The following PRR16 variants were observed in gnomAD, a reference collection of about 807,000 sequenced individuals.
PRR16 encodes the protein proline rich 16.
A neutral mutation model predicts 18.2 loss-of-function variants in PRR16; 6 were observed. The ratio of observed to expected loss-of-function variants is 0.33; its 90% confidence interval spans 0.18 to 0.65. PRR16 has a LOEUF of 0.65. Among genes scored for constraint, PRR16 ranks in the 30% least tolerant of loss-of-function variants. The probability of loss-of-function intolerance (pLI) is 0.74; values close to 1 mark genes in which losing one functional copy is unlikely to be tolerated. For missense variants in PRR16, 412 were observed against 376.6 expected (o/e 1.09, Z -0.78); for synonymous variants, 151 against 147.8 (o/e 1.02, Z -0.16).
chr5:120,487,089 T>C (rs1246020672), intron 1 of PRR16, among the ~76,000 whole-genome samples: 9 of 152,242 alleles, frequency 5.9e-5, no homozygotes, highest in South Asian at 2.1e-4. Context: ...GTGATGCCTC[T>C]AGCTTTGTTC....
chr5:120,785,569 G>GTTTTTTTTTT, the PRR16 span, among the ~76,000 whole-genome samples: 9 of 99,650 alleles, frequency 9.0e-5, no homozygotes, highest in Admixed American at 3.0e-4. Flanking sequence ...GTGTTTTGTT[G>GTTTTTTTTTT]TTGTTGTTTT....
the PRR16 span, among the ~76,000 whole-genome samples, chr5:120,791,856 ACT>A: frequency 1.3e-5 from 2 of 152,144 alleles, no homozygotes; most frequent in Admixed American, 1.3e-4. Flanking sequence ...ATTGGTTTAC[ACT>A]CTGCAATATC....
chr5:120,699,508 G>A, the PRR16 span, among the ~76,000 whole-genome samples: 12 of 152,124 alleles, frequency 7.9e-5, no homozygotes, highest in Admixed American at 3.3e-4. Flanking sequence ...AATTGTGGGA[G>A]AGTCAAGAAA....
intron 1 of PRR16, among the ~76,000 whole-genome samples, chr5:120,578,926 T>G (rs1486351507): frequency 6.6e-6 from 1 of 152,174 alleles, no homozygotes; most frequent in Non-Finnish European, 1.5e-5. Context: ...TTTCCTGACT[T>G]TTTAATAATT....
At chr5:120,650,897 C>A (rs1259234236) in intron 1 of PRR16, among the ~76,000 whole-genome samples, 1 of 152,036 alleles carries the variant, frequency 6.6e-6, no homozygotes, top group Non-Finnish European at 1.5e-5. Context: ...CCTGAGGAAT[C>A]GCCACACTGA....
the PRR16 span, among the ~76,000 whole-genome samples, chr5:120,757,287 T>G: frequency 0.044 from 6,757 of 152,146 alleles, 514 homozygotes; most frequent in African/African-American, 0.15. Flanking sequence ...ATAGAATTTC[T>G]TTGGCTATGC....
chr5:120,575,400 C>T (rs1001374155), intron 1 of PRR16, among the ~76,000 whole-genome samples: 2 of 148,424 alleles, frequency 1.3e-5, no homozygotes, highest in Admixed American at 1.3e-4. Context: ...TGAAAAAAAT[C>T]CTCAACAAAA....
chr5:120,772,005 T>C, the PRR16 span, among the ~76,000 whole-genome samples: 2 of 152,184 alleles, frequency 1.3e-5, no homozygotes. Flanking sequence ...ATTGATATTA[T>C]ATCCTTTCTT....
the PRR16 span, among the ~76,000 whole-genome samples, chr5:120,766,426 ATTAC>A: frequency 6.6e-6 from 1 of 151,834 alleles, no homozygotes; most frequent in Non-Finnish European, 1.5e-5. Context: ...CAACTATTTT[ATTAC>A]TTTTCTATTA....
At chr5:120,653,985 A>G (rs1397544343) in intron 1 of PRR16, among the ~76,000 whole-genome samples, 1 of 152,066 alleles carries the variant, frequency 6.6e-6, no homozygotes, top group Non-Finnish European at 1.5e-5. Context: ...CAATAAAGTA[A>G]TATCCAAAAG....
chr5:120,694,606 C>T, the PRR16 span, among the ~76,000 whole-genome samples: 211 of 151,296 alleles, frequency 1.4e-3, 1 homozygote, highest in African/African-American at 4.8e-3. Flanking sequence ...ATGGCGTGAA[C>T]CCCAGGGGGC....
chr5:120,506,322 G>T (rs143224818), intron 1 of PRR16, among the ~76,000 whole-genome samples: 5 of 151,354 alleles, frequency 3.3e-5, no homozygotes, highest in Non-Finnish European at 7.4e-5. Context: ...ATAAATTCTT[G>T]CATAACAATA....
At chr5:120,776,685 CAG>C in the PRR16 span, among the ~76,000 whole-genome samples, 1 of 152,008 alleles carries the variant, frequency 6.6e-6, no homozygotes, top group Non-Finnish European at 1.5e-5. Flanking sequence ...AGAGAGATAA[CAG>C]ATATTGTTTA....
chr5:120,651,203 A>G (rs1442908767), intron 1 of PRR16, among the ~76,000 whole-genome samples: 9 of 151,932 alleles, frequency 5.9e-5, no homozygotes, highest in Non-Finnish European at 1.2e-4. Context: ...AATTTGTTTG[A>G]GTTCATTGTA....
rs111279742 is a variant in PRR16, at chr5:120,469,123, G to GTC, written c.159+4480_159+4481dup. On this transcript the variant is annotated intron_variant, in intron 1 of 1. Transcript: ENST00000407149. Reference sequence around the variant, plus strand: ...AACAATTTGAACCCCATAGGAAACAGTCTGATTTGAACTGATGAAAACAGA... The same window carrying GTC: ...AACAATTTGAACCCCATAGGAAACAGTCTCTGATTTGAACTGATGAAAACAGA... Among the ~76,000 whole-genome samples, 508 of 152,260 alleles carry GTC rather than the reference G, an allele frequency of 3.3e-3. 3 individuals carry two copies. Among genetic ancestry groups the GTC allele is most frequent in the African/African-American group, 0.012 (479 of 41,562 alleles).
intron 1 of PRR16, among the ~76,000 whole-genome samples, chr5:120,516,629 C>G (rs969717963): frequency 5.3e-5 from 8 of 151,994 alleles, no homozygotes; most frequent in East Asian, 3.9e-4. Context: ...TGCATGGACG[C>G]TTTTATATAT....
intron 1 of PRR16, among the ~76,000 whole-genome samples, chr5:120,509,134 G>A (rs1750741142): frequency 6.6e-6 from 1 of 152,124 alleles, no homozygotes; most frequent in African/African-American, 2.4e-5. Flanking sequence ...CTGGCAAAAT[G>A]TAGTAGCACA....
chr5:120,791,557 A>G, the PRR16 span, among the ~76,000 whole-genome samples: 1 of 151,774 alleles, frequency 6.6e-6, no homozygotes, highest in Non-Finnish European at 1.5e-5. Flanking sequence ...CATTATTGTT[A>G]TCCAGAAGTC....
the PRR16 span, among the ~76,000 whole-genome samples, chr5:120,761,868 C>A: frequency 1.3e-5 from 2 of 152,008 alleles, no homozygotes; most frequent in South Asian, 4.2e-4. Flanking sequence ...TCATTTACCT[C>A]CCCCCAAAAA....
Sources: gnomAD v4.1 joint callset for allele counts (sites outside exome capture counted in the v4.1 genomes callset) on GRCh38, gnomAD v4.1.1 for gene constraint, MANE v1.5 for transcripts, NCBI Gene and HGNC (gene_info 2026-07-23, HGNC 2026-07-21) for gene names.